Variants in TNNI3K observed in about 807,000 individuals in gnomAD.
The protein encoded by TNNI3K is TNNI3 interacting kinase.
TNNI3K carries 140 observed loss-of-function variants against 114.5 expected under a neutral mutation model. The observed-to-expected ratio is 1.22, with a 90% CI of 1.07 to 1.41. The LOEUF is 1.41. TNNI3K is among the 40% of genes most tolerant of loss of function. TNNI3K has a pLI of 0.00. For synonymous variants in TNNI3K, 347 were observed against 347.5 expected (o/e 1.00, Z 0.02); for missense variants, 1,125 against 1,007.6 (o/e 1.12, Z -1.58).
At chr1:74,464,603 G>C (rs1350662068) in intron 21 of TNNI3K, 34 of 1,540,890 alleles carry the variant, frequency 2.2e-5, no homozygotes, top group Non-Finnish European at 3.0e-5. Context: ...TGTTTGAAAA[G>C]AGAATGCAAA....
At chr1:74,349,988 C>G (rs1447697989) in intron 9 of TNNI3K, among the ~76,000 whole-genome samples, 1 of 152,078 alleles carries the variant, frequency 6.6e-6, no homozygotes, top group Non-Finnish European at 1.5e-5. Context: ...CTGCTCTGAT[C>G]TTAGTTATTT....
intron 4 of TNNI3K, among the ~76,000 whole-genome samples, chr1:74,268,791 T>G (rs1389662210): frequency 6.6e-6 from 1 of 151,778 alleles, no homozygotes; most frequent in Non-Finnish European, 1.5e-5. Context: ...CAGCTCAAAT[T>G]TAACATGTGA....
At chr1:74,406,853 T>C (rs1188248018) in intron 17 of TNNI3K, among the ~76,000 whole-genome samples, 2 of 152,232 alleles carry the variant, frequency 1.3e-5, no homozygotes, top group Admixed American at 1.3e-4. Flanking sequence ...ATGTCTCCGC[T>C]GCTGTTCCAA....
intron 23 of TNNI3K, among the ~76,000 whole-genome samples, chr1:74,493,443 A>G (rs1280900379): frequency 6.6e-6 from 1 of 152,224 alleles, no homozygotes; most frequent in Non-Finnish European, 1.5e-5. Context: ...AAAGAAATCA[A>G]CATTCTTTCA....
chr1:74,257,373 A>G (rs1425670227), intron 4 of TNNI3K, among the ~76,000 whole-genome samples: 1 of 152,206 alleles, frequency 6.6e-6, no homozygotes. Context: ...CATCTAGATT[A>G]GCTCAGTATT....
intron 5 of TNNI3K, among the ~76,000 whole-genome samples, chr1:74,297,787 A>T (rs1320972734): frequency 2.0e-5 from 3 of 152,156 alleles, no homozygotes; most frequent in African/African-American, 7.2e-5. Context: ...AATAAAAGCT[A>T]CATGGCCTTT....
chr1:74,249,224 A>ATT (rs1421054173), intron 2 of TNNI3K, among the ~76,000 whole-genome samples: 2 of 151,784 alleles, frequency 1.3e-5, no homozygotes. Flanking sequence ...TGGAGCAACT[A>ATT]TTGGAATCAT....
rs1236275692 is a variant in TNNI3K, at chr1:74,472,676, A to C, written c.2121+9126A>C. Among the ~76,000 whole-genome samples, 12 of 152,130 alleles carry C rather than the reference A, an allele frequency of 7.9e-5. No homozygotes were observed. The East Asian group carries it at 2.1e-3, about 27-fold the overall frequency. ...TGACAATGAAAGGGAAATACTTGCA[A>C]TACTATTGACTCAATGAAAGCAGAG... On this transcript the variant is annotated intron_variant, in intron 21 of 24. Coordinates refer to ENST00000326637, the MANE Select transcript of TNNI3K (RefSeq NM_015978.3).
At chr1:74,368,689 A>G (rs1303998972) in intron 13 of TNNI3K, among the ~76,000 whole-genome samples, 2 of 151,820 alleles carry the variant, frequency 1.3e-5, no homozygotes, top group Non-Finnish European at 2.9e-5. Flanking sequence ...CCTGCTAACA[A>G]GGAGTGAGTA....
intron 5 of TNNI3K, among the ~76,000 whole-genome samples, chr1:74,283,002 GTAT>G (rs1657105598): frequency 6.6e-6 from 1 of 152,132 alleles, no homozygotes. Flanking sequence ...TGATTGATAG[GTAT>G]TATAATCACC....
intron 5 of TNNI3K, among the ~76,000 whole-genome samples, chr1:74,315,556 G>GTT (rs201390018): frequency 6.9e-6 from 1 of 145,184 alleles, no homozygotes; most frequent in Non-Finnish European, 1.5e-5. Context: ...CAAGTTTTTG[G>GTT]TTTTTTTTTT....
chr1:74,366,776 A>T (rs575843226), intron 11 of TNNI3K: 2 of 152,040 alleles, frequency 1.3e-5, no homozygotes, highest in African/African-American at 4.8e-5. Flanking sequence ...GTCTCTAAAA[A>T]CCTATGTAAA....
intron 4 of TNNI3K, among the ~76,000 whole-genome samples, chr1:74,261,814 T>A (rs976799256): frequency 6.6e-6 from 1 of 152,118 alleles, no homozygotes; most frequent in Non-Finnish European, 1.5e-5. Flanking sequence ...ATGGTAATGG[T>A]CATTTATCCC....
At chr1:74,532,001 T>C (rs926807121) in intron 23 of TNNI3K, among the ~76,000 whole-genome samples, 9 of 152,200 alleles carry the variant, frequency 5.9e-5, no homozygotes, top group Admixed American at 5.9e-4. Context: ...TAAAAACTAA[T>C]TGGACCAATT....
At chr1:74,386,151 T>G (rs1663467666) in intron 17 of TNNI3K, among the ~76,000 whole-genome samples, 1 of 152,192 alleles carries the variant, frequency 6.6e-6, no homozygotes, top group Admixed American at 6.5e-5. Context: ...ACCATGATTG[T>G]GAGGCCTCCA....
intron 23 of TNNI3K, among the ~76,000 whole-genome samples, chr1:74,516,624 A>G (rs971183966): frequency 6.6e-6 from 1 of 152,164 alleles, no homozygotes; most frequent in Admixed American, 6.5e-5. Flanking sequence ...CCTTGCTACT[A>G]TGGGCCATGG....
intron 5 of TNNI3K, among the ~76,000 whole-genome samples, chr1:74,327,668 A>G (rs1659985311): frequency 6.8e-6 from 1 of 146,280 alleles, no homozygotes; most frequent in Admixed American, 6.9e-5. Flanking sequence ...TACTATTATT[A>G]TTAAATATAA....
chr1:74,306,086 CTTA>C (rs1446668169), intron 5 of TNNI3K, among the ~76,000 whole-genome samples: 2 of 152,084 alleles, frequency 1.3e-5, no homozygotes, highest in African/African-American at 4.8e-5. Flanking sequence ...TTAGATCCCT[CTTA>C]TAAGTGAGTA....
At chr1:74,404,583 A>C (rs1444341166) in intron 17 of TNNI3K, among the ~76,000 whole-genome samples, 2 of 152,100 alleles carry the variant, frequency 1.3e-5, no homozygotes, top group Non-Finnish European at 2.9e-5. Flanking sequence ...TTTCTGATTC[A>C]GTACGTATTA....
Sources: gnomAD v4.1 joint callset for allele counts (sites outside exome capture counted in the v4.1 genomes callset) on GRCh38, gnomAD v4.1.1 for gene constraint, MANE v1.5 for transcripts, NCBI Gene and HGNC (gene_info 2026-07-23, HGNC 2026-07-21) for gene names.